The following LEKR1 variants were observed in gnomAD, a reference collection of about 807,000 sequenced individuals.
LEKR1 encodes protein LEKR1.
LEKR1 carries 59 observed loss-of-function variants against 72.4 expected under a neutral mutation model. The observed-to-expected ratio is 0.82, with a 90% CI of 0.66 to 1.01. LEKR1 has a LOEUF of 1.01. Among genes scored for constraint, LEKR1 ranks in the 50% least tolerant of loss-of-function variants. The pLI is 0.00. For synonymous variants in LEKR1, 257 were observed against 263.2 expected, an observed-to-expected ratio of 0.98 and a Z score of 0.23; for missense variants, 728 against 759.2, an observed-to-expected ratio of 0.96 and a Z score of 0.48.
chr3:156,850,062 G>GA (rs1560023634), intron 2 of LEKR1, among the ~76,000 whole-genome samples: 2 of 151,762 alleles, frequency 1.3e-5, no homozygotes, highest in African/African-American at 2.4e-5. Context: ...AAATTTACAA[G>GA]AAAAAAACAA....
chr3:157,014,670 A>T (rs1733164391), intron 10 of LEKR1, among the ~76,000 whole-genome samples: 1 of 152,166 alleles, frequency 6.6e-6, no homozygotes, highest in Admixed American at 6.5e-5. Context: ...TTATATTTTT[A>T]AAAATGCAGT....
chr3:156,905,999 C>T (rs960966037), intron 3 of LEKR1, among the ~76,000 whole-genome samples: 4 of 152,130 alleles, frequency 2.6e-5, no homozygotes, highest in Non-Finnish European at 5.9e-5. Context: ...GGAACTTCCA[C>T]CTGTCATCTT....
intron 12 of LEKR1, among the ~76,000 whole-genome samples, chr3:157,039,278 C>A (rs1042149567): frequency 3.9e-5 from 6 of 152,094 alleles, no homozygotes; most frequent in Admixed American, 6.6e-5. Context: ...AATATGTTTC[C>A]AATGTAAACT....
intron 5 of LEKR1, among the ~76,000 whole-genome samples, chr3:156,930,683 A>G (rs1725148859): frequency 6.6e-6 from 1 of 152,186 alleles, no homozygotes; most frequent in Non-Finnish European, 1.5e-5. Context: ...TAAGATTTAT[A>G]CAGTAATCAA....
At chr3:157,031,477 G>A (rs16827087) in intron 12 of LEKR1, among the ~76,000 whole-genome samples, 2,846 of 152,052 alleles carry the variant, frequency 0.019, 68 homozygotes, top group East Asian at 0.1. Context: ...TAACTAATTC[G>A]AACTGAACTG....
rs1207827402 is a variant in LEKR1 at position 156,942,539 on chromosome 3, A to G, written c.570A>G (p.Ile190Met). 8.4e-6 allele frequency: 10 copies of G among 1,193,794 alleles called. No homozygotes were observed. Among genetic ancestry groups the G allele is most frequent in the Non-Finnish European group, 1.1e-5 (10 of 916,780 alleles). 74.0% of individuals were successfully genotyped at this position (1,193,794 alleles called of 1,614,324 possible). Residue 190 changes from isoleucine to methionine, a missense_variant, in exon 6 of 13, where the codon ATA becomes ATG. Physicochemically the swap from Ile to Met is conservative, Grantham distance 10. Transcript: ENST00000356539. Reference protein sequence around the residue: ...ISETALTEIDILNKSLTVSQR... With the variant: ...ISETALTEIDMLNKSLTVSQR... ...GAATTCTTCTTACAGAAATAGACAT[A>G]CTGAATAAAAGTTTGACAGTATCCC...
intron 5 of LEKR1, among the ~76,000 whole-genome samples, chr3:156,931,386 A>G (rs1725209557): frequency 6.6e-6 from 1 of 152,136 alleles, no homozygotes; most frequent in African/African-American, 2.4e-5. Context: ...ATCCTTTTAC[A>G]AATTGGTGAG....
chr3:156,882,332 G>C (rs1399475459), intron 3 of LEKR1, among the ~76,000 whole-genome samples: 1 of 151,216 alleles, frequency 6.6e-6, no homozygotes, highest in African/African-American at 2.4e-5. Context: ...CCATCAAAAA[G>C]TGGGCGAAGG....
intron 3 of LEKR1, among the ~76,000 whole-genome samples, chr3:156,895,004 A>G (rs2108559226): frequency 6.6e-6 from 1 of 152,318 alleles, no homozygotes; most frequent in East Asian, 1.9e-4. Flanking sequence ...GAAAACACCA[A>G]AAGCAATTGC....
chr3:156,902,020 G>A lies in LEKR1; in HGVS notation c.264-18555G>A, dbSNP rs895517524. Reference sequence around the variant, plus strand: ...TCTTATAGTTCTCTGCCTTATTTCCGGAAGCTCACATATAATTTTCTTGAA... The same window carrying A: ...TCTTATAGTTCTCTGCCTTATTTCCAGAAGCTCACATATAATTTTCTTGAA... On this transcript the variant is annotated intron_variant, in intron 3 of 12. Transcript: ENST00000356539. Among the ~76,000 whole-genome samples the A allele has an allele frequency of 2.6e-5, 4 of 151,958 alleles. No homozygotes were observed. In the East Asian group the frequency reaches 5.8e-4, roughly 22 times the overall value.
At chr3:156,940,314 A>G (rs1726088712) in intron 5 of LEKR1, among the ~76,000 whole-genome samples, 1 of 152,188 alleles carries the variant, frequency 6.6e-6, no homozygotes, top group African/African-American at 2.4e-5. Context: ...TGTGAGTTCC[A>G]GGAAGATGAA....
intron 10 of LEKR1, among the ~76,000 whole-genome samples, chr3:157,013,063 C>A (rs1438834776): frequency 2.0e-5 from 3 of 151,880 alleles, no homozygotes; most frequent in Non-Finnish European, 4.4e-5. Context: ...CTTTAAGGGA[C>A]TAGAAATTAA....
chr3:156,852,608 T>A (rs1475842176), intron 2 of LEKR1, among the ~76,000 whole-genome samples, 160 bp from the exon 3 acceptor site: 1 of 152,192 alleles, frequency 6.6e-6, no homozygotes, highest in East Asian at 1.9e-4. Context: ...TATGCCAGTT[T>A]AAAATTTTTT....
At chr3:157,011,609 C>A (rs1032245666) in intron 10 of LEKR1, 103 bp downstream of exon 10, 3 of 779,728 alleles carry the variant, frequency 3.8e-6, no homozygotes, top group African/African-American at 3.5e-5. Context: ...TGCTTCTATG[C>A]ACACTTTAGA....
intron 1 of LEKR1, chr3:156,827,156 G>A (rs1576615815): frequency 6.6e-6 from 1 of 152,140 alleles, no homozygotes; most frequent in African/African-American, 2.4e-5. Flanking sequence ...TTGCCAAAAG[G>A]GAAAGACCCT....
intron 3 of LEKR1, among the ~76,000 whole-genome samples, chr3:156,901,380 A>T (rs1183005591): frequency 6.6e-6 from 1 of 152,170 alleles, no homozygotes. Flanking sequence ...TCACAATATA[A>T]CTGTCTTATT....
intron 5 of LEKR1, among the ~76,000 whole-genome samples, chr3:156,930,408 A>G (rs1560089094): frequency 6.6e-6 from 1 of 152,126 alleles, no homozygotes; most frequent in Non-Finnish European, 1.5e-5. Flanking sequence ...CTTATAAAGT[A>G]TGTCAATGTA....
intron 3 of LEKR1, among the ~76,000 whole-genome samples, chr3:156,856,886 T>A (rs1312645795): frequency 6.6e-6 from 1 of 152,080 alleles, no homozygotes. Context: ...TTATTTCCAA[T>A]AGTTATACCC....
chr3:156,858,333 A>G (rs370014356), intron 3 of LEKR1, among the ~76,000 whole-genome samples: 11 of 152,156 alleles, frequency 7.2e-5, no homozygotes, highest in African/African-American at 2.7e-4. Flanking sequence ...CTTTTTAAAG[A>G]ACCAGATTTT....
Sources: gnomAD v4.1 joint callset for allele counts (sites outside exome capture counted in the v4.1 genomes callset) on GRCh38, gnomAD v4.1.1 for gene constraint, MANE v1.5 for transcripts, NCBI Gene and HGNC (gene_info 2026-07-23, HGNC 2026-07-21) for gene names.